The following NELL1 variants were observed in gnomAD, a reference collection of about 807,000 sequenced individuals.
NELL1 encodes the protein protein kinase C-binding protein NELL1.
In NELL1, 76 loss-of-function variants were observed where a neutral mutation model predicts 107.4. That is an observed-to-expected ratio of 0.71 (90% CI 0.59 to 0.86). NELL1 has a LOEUF of 0.86. NELL1 is among the 40% of genes least tolerant of loss of function. The pLI, the probability that NELL1 is intolerant of heterozygous loss-of-function variation, is 0.00. For missense variants in NELL1, 1,024 were observed against 1,005.5 expected, an observed-to-expected ratio of 1.02 and a Z score of -0.25; for synonymous variants, 353 against 341.2, an observed-to-expected ratio of 1.03 and a Z score of -0.38.
chr11:21,037,498 G>A (rs1853124265), intron 12 of NELL1, among the ~76,000 whole-genome samples: 1 of 152,000 alleles, frequency 6.6e-6, no homozygotes, highest in Admixed American at 6.6e-5. Context: ...CCCTTTTCTG[G>A]TGGGCAGATA....
intron 13 of NELL1, among the ~76,000 whole-genome samples, chr11:21,115,476 G>C (rs1855213505): frequency 6.6e-6 from 1 of 152,002 alleles, no homozygotes; most frequent in South Asian, 2.1e-4. Flanking sequence ...AGAACAGAAG[G>C]TTGGGTGCTG....
At chr11:20,847,139 A>G (rs1272606720) in intron 3 of NELL1, among the ~76,000 whole-genome samples, 2 of 152,172 alleles carry the variant, frequency 1.3e-5, no homozygotes, top group Non-Finnish European at 1.5e-5. Context: ...CATTCTGACA[A>G]TGTATTTCAA....
chr11:20,779,415 C>T (rs906026483), intron 2 of NELL1, among the ~76,000 whole-genome samples: 2 of 152,204 alleles, frequency 1.3e-5, no homozygotes, highest in African/African-American at 4.8e-5. Context: ...CTAACTTGCT[C>T]TCTATATTTA....
intron 15 of NELL1, among the ~76,000 whole-genome samples, chr11:21,381,904 A>ATTTTTTTTTTTTTTTTTTTTTTTTTT (rs149327802): frequency 1.1e-5 from 1 of 91,356 alleles, no homozygotes; most frequent in Admixed American, 1.3e-4. Context: ...CCTGGAAGGG[A>ATTTTTTTTTTTTTTTTTTTTTTTTTT]TTTTTTTTTT....
intron 12 of NELL1, among the ~76,000 whole-genome samples, chr11:21,056,013 G>A (rs910651906): frequency 2.6e-5 from 4 of 152,054 alleles, no homozygotes; most frequent in Non-Finnish European, 5.9e-5. Context: ...ACTATCAGTG[G>A]TCTAGGCTCT....
intron 12 of NELL1, among the ~76,000 whole-genome samples, chr11:20,990,821 G>T (rs1348568905): frequency 1.3e-5 from 2 of 152,118 alleles, no homozygotes; most frequent in African/African-American, 2.4e-5. Context: ...TGAGTACTTG[G>T]CTTCATTTCA....
At chr11:21,256,508 C>T (rs1858772089) in intron 14 of NELL1, among the ~76,000 whole-genome samples, 1 of 151,982 alleles carries the variant, frequency 6.6e-6, no homozygotes, top group Non-Finnish European at 1.5e-5. Flanking sequence ...AGCTTAAGGT[C>T]ATCATTGTGC....
chr11:21,357,156 C>T (rs899540707), intron 14 of NELL1, among the ~76,000 whole-genome samples: 7 of 152,112 alleles, frequency 4.6e-5, no homozygotes, highest in Admixed American at 1.3e-4. Context: ...TCTTTTCCTC[C>T]GGGTAGATAC....
chr11:21,456,710 G>A (rs1853752429), intron 15 of NELL1, among the ~76,000 whole-genome samples: 1 of 152,018 alleles, frequency 6.6e-6, no homozygotes, highest in South Asian at 2.1e-4. Flanking sequence ...CTACTATACA[G>A]ATTAAAAAAT....
chr11:21,199,259 A>T (rs2133845702), intron 13 of NELL1, among the ~76,000 whole-genome samples: 1 of 152,258 alleles, frequency 6.6e-6, no homozygotes, highest in East Asian at 1.9e-4. Context: ...CTCCTAGCCA[A>T]CTCTGTAGGT....
Position 21,014,014 on chromosome 11 carries a change from T to C in NELL1, c.1300+53454T>C, listed in dbSNP as rs988907003. Among the ~76,000 whole-genome samples, 6 of 152,124 alleles carry C rather than the reference T, an allele frequency of 3.9e-5. No homozygotes were observed. The East Asian group carries it at 7.7e-4, about 20-fold the overall frequency. ...ATGTGTATTGAGGAGGAAGACTCAT[T>C]GATATTTATTTTACACTTAGGGTTA... is the stretch of plus-strand genomic sequence containing the variant. On this transcript the variant is annotated intron_variant, in intron 12 of 19. Transcript: ENST00000357134.
At chr11:20,796,099 T>C (rs1473504603) in intron 3 of NELL1, among the ~76,000 whole-genome samples, 1 of 152,202 alleles carries the variant, frequency 6.6e-6, no homozygotes, top group East Asian at 1.9e-4. Context: ...TCATGGCTGC[T>C]TTAGATATTT....
intron 13 of NELL1, among the ~76,000 whole-genome samples, chr11:21,197,575 C>T (rs1043695122): frequency 1.3e-5 from 2 of 152,138 alleles, no homozygotes; most frequent in African/African-American, 2.4e-5. Flanking sequence ...GTTCCCAGGG[C>T]AATTACTGAG....
Position 21,310,689 on chromosome 11 carries a change from T to C in NELL1, c.1550-60164T>C, listed in dbSNP as rs73454903. On this transcript the variant is annotated intron_variant, in intron 14 of 19. Transcript: ENST00000357134. ...TGCATTATAGAAATCTAACACAGGA[T>C]GCGATTTGGAAAGATGGTGTCCAAG... Among the ~76,000 whole-genome samples, 579 of 152,086 alleles carry C rather than the reference T, an allele frequency of 3.8e-3. 4 individuals carry two copies. Among genetic ancestry groups the C allele is most frequent in the African/African-American group, 0.013 (557 of 41,512 alleles).
chr11:20,884,311 G>T (rs1402175640), intron 4 of NELL1, among the ~76,000 whole-genome samples: 1 of 152,236 alleles, frequency 6.6e-6, no homozygotes, highest in East Asian at 1.9e-4. Flanking sequence ...TCGCCCTCTG[G>T]CAGGAGGCAG....
At chr11:21,139,318 C>T (rs185988918) in intron 13 of NELL1, among the ~76,000 whole-genome samples, 11 of 152,298 alleles carry the variant, frequency 7.2e-5, no homozygotes, top group Middle Eastern at 3.4e-3. Flanking sequence ...CTCAGGGACA[C>T]TTGCTTTTCC....
At chr11:21,437,564 G>A (rs955815401) in intron 15 of NELL1, among the ~76,000 whole-genome samples, 3 of 152,056 alleles carry the variant, frequency 2.0e-5, no homozygotes, top group African/African-American at 7.2e-5. Flanking sequence ...TCTCCATGTT[G>A]GTCACTCTGG....
In NELL1 at chr11:20,750,203, T is replaced by C. The variant is rs139657895; in HGVS notation, c.185-33477T>C. ...CCGATGACTAATGATGTTTAGCATC[T>C]TTTCACGTGTGTTTTGTTTTTATTC... On this transcript the variant is annotated intron_variant, in intron 2 of 19. Coordinates refer to ENST00000357134, the MANE Select transcript of NELL1 (RefSeq NM_006157.5). Among the ~76,000 whole-genome samples, 4 of 152,326 alleles carry C rather than the reference T, an allele frequency of 2.6e-5. No homozygotes were observed. In the East Asian group the frequency reaches 7.7e-4, roughly 29 times the overall value.
chr11:21,377,991 C>T (rs1851518684), intron 15 of NELL1, among the ~76,000 whole-genome samples: 1 of 151,944 alleles, frequency 6.6e-6, no homozygotes, highest in Non-Finnish European at 1.5e-5. Context: ...TTAACATCAT[C>T]CCTGGACTTT....
Sources: gnomAD v4.1 joint callset for allele counts (sites outside exome capture counted in the v4.1 genomes callset) on GRCh38, gnomAD v4.1.1 for gene constraint, MANE v1.5 for transcripts, NCBI Gene and HGNC (gene_info 2026-07-23, HGNC 2026-07-21) for gene names.